The following ZC3H12D variants were observed in gnomAD, a reference collection of about 807,000 sequenced individuals.
ZC3H12D encodes probable ribonuclease ZC3H12D.
In ZC3H12D, 11 loss-of-function variants were observed where a neutral mutation model predicts 24.2. The observed-to-expected ratio is 0.46, with a 90% CI of 0.29 to 0.75. The LOEUF is 0.75. Ranked by LOEUF, ZC3H12D falls within the 30% of genes least tolerant of loss-of-function variation. The probability of loss-of-function intolerance (pLI) is 0.11; values close to 1 mark genes in which losing one functional copy is unlikely to be tolerated. For synonymous variants in ZC3H12D, 333 were observed against 341.8 expected (o/e 0.97, Z 0.28); for missense variants, 740 against 767.7 (o/e 0.96, Z 0.43).
In ZC3H12D at chr6:149,450,841, C is replaced by A; in HGVS notation, c.1426G>T (p.Asp476Tyr). The A allele has an allele frequency of 6.5e-7, 1 of 1,545,264 alleles. No homozygotes were observed. ...GCGATGCGAGCCCGGGCGCGCGCGT[C>A]CCCCTCGTCGTCCTCGGTCGCGTAC... ...SVYATEDDEG[D>Y]ARARARIALY... Residue 476 changes from aspartate (D) to tyrosine (Y), a missense_variant, in exon 6 of 6, where the codon GAC (aspartate) becomes TAC (tyrosine). Physicochemically the swap from Asp to Tyr is radical, Grantham distance 160 (BLOSUM62 -3). Transcript: ENST00000409806.
intron 2 of ZC3H12D, among the ~76,000 whole-genome samples, chr6:149,466,218 G>A (rs966456570): frequency 3.3e-5 from 5 of 151,926 alleles, no homozygotes; most frequent in African/African-American, 1.2e-4. Flanking sequence ...ACAGAACCCA[G>A]TGAGGGCCCC....
intron 2 of ZC3H12D, among the ~76,000 whole-genome samples, chr6:149,463,059 G>T (rs920557879): frequency 6.6e-6 from 1 of 152,150 alleles, no homozygotes. Flanking sequence ...AGAGAATCCT[G>T]ACTAATACGG....
chr6:149,484,319 A>C (rs575284907), intron 1 of ZC3H12D, among the ~76,000 whole-genome samples: 1 of 152,284 alleles, frequency 6.6e-6, no homozygotes, highest in African/African-American at 2.4e-5. Context: ...TCTATAAGAG[A>C]TGCTACCAAA....
intron 2 of ZC3H12D, among the ~76,000 whole-genome samples, chr6:149,471,433 A>T (rs1776241845): frequency 6.6e-6 from 1 of 152,262 alleles, no homozygotes; most frequent in Non-Finnish European, 1.5e-5. Flanking sequence ...CTGTGCTAAC[A>T]GGGGACACAT....
intron 5 of ZC3H12D, among the ~76,000 whole-genome samples, chr6:149,451,911 C>T (rs569810667): frequency 1.8e-4 from 28 of 152,316 alleles, no homozygotes; most frequent in African/African-American, 6.7e-4. Context: ...CCTGCAGTGC[C>T]GCCTCAGTTC....
In ZC3H12D at chr6:149,447,428, A is replaced by G. The variant is rs1378179938; in HGVS notation, c.*3255T>C. The stretch of plus-strand genomic sequence containing the variant: ...CACCACGGACCCAGCTAATTTTTGT[A>G]TTTTTAGTAGAGACAGGGTCTCACC... On this transcript the variant is annotated 3_prime_UTR_variant, in exon 6 of 6. Transcript: ENST00000409806. 6.6e-6 allele frequency: 1 copy of G among 151,976 alleles called. No homozygotes were observed. The highest frequency in any genetic ancestry group is 1.5e-5 in the Non-Finnish European group (1 of 67,986). 9.4% of individuals were successfully genotyped at this position (151,976 alleles called of 1,614,324 possible). A position where few individuals can be genotyped will look rare whatever the true frequency, so the allele number is the denominator to read the frequency against.
chr6:149,473,668 C>T (rs979011922), intron 2 of ZC3H12D, among the ~76,000 whole-genome samples: 5 of 152,170 alleles, frequency 3.3e-5, no homozygotes, highest in African/African-American at 9.7e-5. Context: ...TTAAGGTAGC[C>T]GCAACACCGC....
chr6:149,472,148 C>A (rs539536082), intron 2 of ZC3H12D, among the ~76,000 whole-genome samples: 1 of 152,288 alleles, frequency 6.6e-6, no homozygotes, highest in East Asian at 1.9e-4. Flanking sequence ...TGTTAAAAGT[C>A]CCATTGGAGG....
At chr6:149,462,094 C>T in intron 2 of ZC3H12D, 124 bp from the exon 3 acceptor site, 12 of 1,237,890 alleles carry the variant, frequency 9.7e-6, no homozygotes, top group Non-Finnish European at 1.3e-5. Context: ...ATGTTTTAGG[C>T]CAGGAGTGGT....
chr6:149,451,315 C>T lies in ZC3H12D; in HGVS notation c.952G>A (p.Ala318Thr). The change falls in exon 6 of 6, where the codon GCC becomes ACC. Residue 318 changes from alanine to threonine, a missense_variant. Transcript: ENST00000409806. ...AATGGTTCCCGGGGGGCCGCCCGGG[C>T]TCCTGCGGAGCCGCCCGGGGCTCTC... ...PPRAPGGSAG[A>T]RAAPREPFAH... is the part of the protein sequence containing the mutation. The T allele has an allele frequency of 7.4e-7, 1 of 1,345,834 alleles. No homozygotes were observed. Among genetic ancestry groups the T allele is most frequent in the Non-Finnish European group, 9.4e-7 (1 of 1,059,140 alleles). The allele number at this position is 1,345,834 out of a possible 1,614,324, so 83.4% of individuals were successfully genotyped here.
chr6:149,465,271 G>A (rs886563396), intron 2 of ZC3H12D, among the ~76,000 whole-genome samples: 14 of 151,518 alleles, frequency 9.2e-5, no homozygotes, highest in Admixed American at 7.2e-4. Flanking sequence ...GGAGAATCGC[G>A]TGAGCCTGGG....
chr6:149,458,351 G>C (rs1445738598), intron 3 of ZC3H12D, among the ~76,000 whole-genome samples: 2 of 151,568 alleles, frequency 1.3e-5, no homozygotes, highest in Non-Finnish European at 2.9e-5. Context: ...GCCCAAGCTG[G>C]TCTCAAACTT....
intron 1 of ZC3H12D, among the ~76,000 whole-genome samples, chr6:149,480,693 G>A (rs1776411388): frequency 2.0e-5 from 3 of 152,060 alleles, no homozygotes; most frequent in African/African-American, 4.8e-5. Flanking sequence ...CCAAGATCGC[G>A]CCATTGCACT....
chr6:149,473,442 G>A (rs560248223), intron 2 of ZC3H12D, among the ~76,000 whole-genome samples: 25 of 152,304 alleles, frequency 1.6e-4, no homozygotes, highest in Admixed American at 1.0e-3. Context: ...AAAGCCAAGC[G>A]GTAGAATAAT....
chr6:149,483,373 G>T (rs1776454193), intron 1 of ZC3H12D, among the ~76,000 whole-genome samples: 1 of 151,994 alleles, frequency 6.6e-6, no homozygotes, highest in African/African-American at 2.4e-5. Flanking sequence ...TATCTTAAGG[G>T]TACAGGTCAG....
At chr6:149,474,642 G>A (rs1776303402) in intron 1 of ZC3H12D, 29 bp from the exon 2 acceptor site, 3 of 1,195,768 alleles carry the variant, frequency 2.5e-6, no homozygotes, top group Admixed American at 3.2e-5. Flanking sequence ...CATCCATCAG[G>A]TGTTTCCTGG....
intron 2 of ZC3H12D, among the ~76,000 whole-genome samples, chr6:149,469,957 T>C (rs377454): frequency 0.45 from 68,561 of 152,038 alleles, 18,257 homozygotes; most frequent in African/African-American, 0.75. Flanking sequence ...GGGGGGAACA[T>C]GGGGCATTGG....
intron 2 of ZC3H12D, among the ~76,000 whole-genome samples, chr6:149,472,008 G>A (rs1238145010): frequency 3.9e-5 from 6 of 152,332 alleles, no homozygotes; most frequent in Non-Finnish European, 8.8e-5. Context: ...GAGGTTAATT[G>A]AATTTTGAGG....
chr6:149,452,731 T>C lies in ZC3H12D; in HGVS notation c.681-9A>G. ...CATCAGGCGGCATGAACCTGGAAAA[T>C]AAGCACAGGGGCAACTGCAAGACCA... is the stretch of plus-strand genomic sequence containing the variant. On this transcript the variant is annotated splice_polypyrimidine_tract_variant and intron_variant, in intron 4 of 5. Coordinates refer to ENST00000409806, the MANE Select transcript of ZC3H12D (RefSeq NM_207360.3). The surrounding 1 kb of genome is among the most constrained non-coding windows in gnomAD (Gnocchi z 4.0). 1 of 1,588,780 alleles carries C rather than the reference T, an allele frequency of 6.3e-7. No homozygotes were observed. Among genetic ancestry groups the C allele is most frequent in the Non-Finnish European group, 8.5e-7 (1 of 1,169,760 alleles).
Sources: allele counts gnomAD v4.1 joint callset (sites outside exome capture counted in the v4.1 genomes callset), GRCh38; gene constraint gnomAD v4.1.1; non-coding constraint Gnocchi (gnomAD v3.1); transcripts MANE v1.5; gene names NCBI Gene and HGNC (gene_info 2026-07-23, HGNC 2026-07-21).